Variants in KIF18A observed in about 807,000 individuals in gnomAD.
KIF18A encodes the protein kinesin-like protein KIF18A.
In KIF18A, 67 loss-of-function variants were observed where a neutral mutation model predicts 103.3. That is an observed-to-expected ratio of 0.65 (90% CI 0.53 to 0.79). The LOEUF is 0.79. Among genes scored for constraint, KIF18A ranks in the 30% least tolerant of loss-of-function variants. The pLI, the probability that KIF18A is intolerant of heterozygous loss-of-function variation, is 0.00. For missense variants in KIF18A, 1,032 were observed against 1,062.5 expected (o/e 0.97, Z 0.40); for synonymous variants, 367 against 355.5 (o/e 1.03, Z -0.36).
intron 1 of KIF18A, among the ~76,000 whole-genome samples, chr11:28,101,143 T>C (rs1851441406): frequency 6.6e-6 from 1 of 152,108 alleles, no homozygotes; most frequent in African/African-American, 2.4e-5. Flanking sequence ...TGCTTAGAAC[T>C]GCCCTGTTAT....
In KIF18A at chr11:28,108,140, G is replaced by C. The variant is rs1006242918; in HGVS notation, c.-123C>G. On this transcript the variant is annotated 5_prime_UTR_variant, in exon 1 of 17. Transcript: ENST00000263181. The stretch of plus-strand genomic sequence containing the variant: ...TTCACTTTAATGTCCGCCTCCCAGC[G>C]CTTCAGACTCAACCACAATATTCAA... 6.6e-6 allele frequency: 1 copy of C among 152,454 alleles called. No individual in the cohort carries two copies. The highest frequency in any genetic ancestry group is 6.5e-5 in the Admixed American group (1 of 15,286). 9.4% of individuals were successfully genotyped at this position (152,454 alleles called of 1,614,324 possible).
At chr11:28,084,868 C>A in intron 6 of KIF18A, 60 bp from the exon 7 acceptor site, 1 of 1,289,258 alleles carries the variant, frequency 7.8e-7, no homozygotes, top group Non-Finnish European at 1.1e-6. Context: ...AACCTGCTAC[C>A]ACTTTAGCAC....
intron 10 of KIF18A, among the ~76,000 whole-genome samples, chr11:28,070,135 T>C (rs996446344): frequency 3.9e-5 from 6 of 152,138 alleles, no homozygotes; most frequent in African/African-American, 1.4e-4. Context: ...AATTATCAGA[T>C]AGGATGGGTA....
Position 28,075,385 on chromosome 11 carries a change from A to G in KIF18A, c.1425+1622T>C, listed in dbSNP as rs370755403. ...TATTTTGGTTTCCTCATTGATTATT[A>G]GGATAATATTACTAAATATTTCATG... is the stretch of plus-strand genomic sequence containing the variant. On this transcript the variant is annotated intron_variant, in intron 10 of 16. Coordinates refer to ENST00000263181, the MANE Select transcript of KIF18A (RefSeq NM_031217.4). Among the ~76,000 whole-genome samples the G allele has an allele frequency of 1.6e-4, 24 of 152,304 alleles. No individual in the cohort carries two copies. In the East Asian group the frequency reaches 4.6e-3, roughly 29 times the overall value.
At chr11:28,076,799 T>C in intron 10 of KIF18A, 1 of 294,652 alleles carries the variant, frequency 3.4e-6, no homozygotes, top group Non-Finnish European at 6.2e-6. Flanking sequence ...CTGGGCGTAG[T>C]GGTGCACGCT....
intron 14 of KIF18A, 86 bp downstream of exon 14, chr11:28,036,131 C>A: frequency 1.3e-6 from 1 of 778,694 alleles, no homozygotes; most frequent in Non-Finnish European, 2.0e-6. Flanking sequence ...ATCAAAATGG[C>A]ACACTTGGTT....
At chr11:28,072,809 A>G (rs1328328207) in intron 10 of KIF18A, among the ~76,000 whole-genome samples, 1 of 151,876 alleles carries the variant, frequency 6.6e-6, no homozygotes, top group Non-Finnish European at 1.5e-5. Flanking sequence ...AACCCATTCT[A>G]TTACTCTATG....
chr11:28,086,191 A>T (rs1851226938), intron 6 of KIF18A, among the ~76,000 whole-genome samples: 1 of 152,188 alleles, frequency 6.6e-6, no homozygotes, highest in Non-Finnish European at 1.5e-5. Context: ...ATTTCCAATC[A>T]TTGAAAAAAA....
At chr11:28,065,910 A>C (rs1027280706) in intron 11 of KIF18A, among the ~76,000 whole-genome samples, 1 of 152,068 alleles carries the variant, frequency 6.6e-6, no homozygotes, top group African/African-American at 2.4e-5. Flanking sequence ...TTTAATGAAT[A>C]TACTTAATGC....
intron 15 of KIF18A, among the ~76,000 whole-genome samples, chr11:28,027,735 T>A (rs1850339638): frequency 6.6e-6 from 1 of 151,924 alleles, no homozygotes; most frequent in South Asian, 2.1e-4. Flanking sequence ...AAGCTTGGAA[T>A]TTGATGGCTT....
chr11:28,049,472 T>A (rs766330492), intron 13 of KIF18A, among the ~76,000 whole-genome samples: 14 of 151,948 alleles, frequency 9.2e-5, no homozygotes, highest in Non-Finnish European at 1.2e-4. Flanking sequence ...CGTTAAGAGA[T>A]TTATAGAGCT....
At chr11:28,022,694 A>G (rs756722792) in intron 16 of KIF18A, among the ~76,000 whole-genome samples, 1 of 152,196 alleles carries the variant, frequency 6.6e-6, no homozygotes, top group East Asian at 1.9e-4. Flanking sequence ...AGCATTATTA[A>G]ATACAACATG....
chr11:28,101,637 C>G (rs980917237), intron 1 of KIF18A, among the ~76,000 whole-genome samples: 8 of 152,124 alleles, frequency 5.3e-5, no homozygotes, highest in Non-Finnish European at 1.2e-4. Flanking sequence ...TAGAACAATA[C>G]TTTGTACAGA....
chr11:28,098,001 T>G lies in KIF18A; in HGVS notation c.-46-8A>C. On this transcript the variant is annotated splice_region_variant and splice_polypyrimidine_tract_variant and intron_variant, in intron 1 of 16. Transcript: ENST00000263181. ...AAATACTTGAATACTTCTCTGAAAT[T>G]AAAAAAGAAAATAAAGTTTTAATAT... The G allele has an allele frequency of 3.1e-6, 4 of 1,309,510 alleles. No individual in the cohort carries two copies. Among genetic ancestry groups the G allele is most frequent in the Non-Finnish European group, 4.2e-6 (4 of 960,050 alleles). 81.1% of individuals were successfully genotyped at this position (1,309,510 alleles called of 1,614,324 possible).
chr11:28,091,516 T>A lies in KIF18A; in HGVS notation c.484-3A>T. ...TCACGAATCTGTTCATTATATACCT[T>A]AAAATAAAAAGAACTGCTTTAGCAT... On this transcript the variant is annotated splice_polypyrimidine_tract_variant and splice_region_variant and intron_variant, in intron 3 of 16. Coordinates refer to ENST00000263181, the MANE Select transcript of KIF18A (RefSeq NM_031217.4). 1 of 1,528,384 alleles carries A rather than the reference T, an allele frequency of 6.5e-7. No individual in the cohort carries two copies. The highest frequency in any genetic ancestry group is 9.0e-7 in the Non-Finnish European group (1 of 1,109,932). The allele number at this position is 1,528,384 out of a possible 1,614,324, so 94.7% of individuals were successfully genotyped here.
chr11:28,025,598 C>G (rs1010222722), intron 15 of KIF18A, among the ~76,000 whole-genome samples: 1 of 151,802 alleles, frequency 6.6e-6, no homozygotes, highest in African/African-American at 2.4e-5. Context: ...AAATCCAACC[C>G]TAATAAATTG....
chr11:28,089,409 CA>C (rs1278546166), intron 5 of KIF18A, among the ~76,000 whole-genome samples: 1 of 152,054 alleles, frequency 6.6e-6, no homozygotes, highest in African/African-American at 2.4e-5. Context: ...TCTAAAATAA[CA>C]ATAAAAAGTA....
intron 13 of KIF18A, among the ~76,000 whole-genome samples, chr11:28,043,578 T>C (rs1850588175): frequency 6.6e-6 from 1 of 151,888 alleles, no homozygotes; most frequent in African/African-American, 2.4e-5. Flanking sequence ...AACATGAACA[T>C]CCACAATTAC....
chr11:28,078,326 A>T (rs1175093161), intron 9 of KIF18A, among the ~76,000 whole-genome samples: 1 of 152,212 alleles, frequency 6.6e-6, no homozygotes, highest in Non-Finnish European at 1.5e-5. Context: ...GCATTATATT[A>T]CACCAACGGT....
Sources: gnomAD v4.1 joint callset for allele counts (sites outside exome capture counted in the v4.1 genomes callset) on GRCh38, gnomAD v4.1.1 for gene constraint, MANE v1.5 for transcripts, NCBI Gene and HGNC (gene_info 2026-07-23, HGNC 2026-07-21) for gene names.